The following LINGO2 variants were observed in gnomAD, a reference collection of about 807,000 sequenced individuals.
The protein encoded by LINGO2 is leucine-rich repeat and immunoglobulin-like domain-containing nogo receptor-interacting protein 2.
Under a neutral mutation model 30.6 loss-of-function variants are expected in LINGO2, and 14 were observed. That is an observed-to-expected ratio of 0.46 (90% CI 0.30 to 0.72). The LOEUF (loss-of-function observed/expected upper bound fraction) is 0.72. Among genes scored for constraint, LINGO2 ranks in the 30% least tolerant of loss-of-function variants. The pLI is 0.07. For missense variants in LINGO2, 729 were observed against 751.7 expected (o/e 0.97, Z 0.35); for synonymous variants, 317 against 288.5 (o/e 1.10, Z -1.00).
the LINGO2 span, among the ~76,000 whole-genome samples, chr9:28,838,753 G>A: frequency 2.6e-5 from 4 of 152,130 alleles, no homozygotes; most frequent in African/African-American, 9.7e-5. Flanking sequence ...TTTTGCTTGC[G>A]CCCACTGGCT....
At chr9:28,875,623 C>T in the LINGO2 span, among the ~76,000 whole-genome samples, 20,760 of 151,932 alleles carry the variant, frequency 0.14, 2,039 homozygotes, top group African/African-American at 0.28. Context: ...GTTTTCCCCA[C>T]GTCGAAATTT....
chr9:28,202,591 A>G (rs528364377), intron 4 of LINGO2, among the ~76,000 whole-genome samples: 2 of 152,132 alleles, frequency 1.3e-5, no homozygotes, highest in East Asian at 1.9e-4. Flanking sequence ...TTGCACTAAC[A>G]TTTCCTTTAT....
the LINGO2 span, among the ~76,000 whole-genome samples, chr9:28,842,060 TATGAAACTGAACTAAGACAA>T: frequency 6.6e-6 from 1 of 151,780 alleles, no homozygotes; most frequent in Non-Finnish European, 1.5e-5. Context: ...TATGTGGACA[TATGAAACTGAACTAAGACAA>T]ATGAAACTGA....
chr9:28,189,709 A>G (rs1200421219), intron 4 of LINGO2, among the ~76,000 whole-genome samples: 187 of 114,228 alleles, frequency 1.6e-3, no homozygotes, highest in Middle Eastern at 5.2e-3. Flanking sequence ...GGGAGGAAGG[A>G]AGGAAGGAAG....
the LINGO2 span, among the ~76,000 whole-genome samples, chr9:28,846,858 A>C: frequency 1.4e-5 from 2 of 147,482 alleles, no homozygotes; most frequent in Non-Finnish European, 3.0e-5. Context: ...TTTCCCACTC[A>C]CATTTACATA....
At chr9:28,223,234 A>C (rs1362070851) in intron 4 of LINGO2, among the ~76,000 whole-genome samples, 5 of 152,212 alleles carry the variant, frequency 3.3e-5, no homozygotes, top group African/African-American at 1.2e-4. Flanking sequence ...GAGGCTGAGA[A>C]GTCCAAGATC....
At chr9:28,661,883 G>A (rs1267512942) in intron 1 of LINGO2, among the ~76,000 whole-genome samples, 1 of 152,160 alleles carries the variant, frequency 6.6e-6, no homozygotes, top group Non-Finnish European at 1.5e-5. Flanking sequence ...ATGAGAACAA[G>A]AGAACAGGGG....
At chr9:28,873,125 T>C in the LINGO2 span, among the ~76,000 whole-genome samples, 2 of 152,056 alleles carry the variant, frequency 1.3e-5, no homozygotes, top group Non-Finnish European at 2.9e-5. Context: ...CTGTAATCCT[T>C]TGGGAGGCCG....
chr9:28,006,887 G>A (rs780937114), intron 5 of LINGO2, among the ~76,000 whole-genome samples: 47 of 151,910 alleles, frequency 3.1e-4, no homozygotes, highest in Non-Finnish European at 5.9e-4. Flanking sequence ...CAAGTGTAGA[G>A]AGCAGCTAAT....
the LINGO2 span, among the ~76,000 whole-genome samples, chr9:28,962,028 C>T: frequency 2.6e-5 from 4 of 152,084 alleles, no homozygotes; most frequent in African/African-American, 9.7e-5. Context: ...GGAAAAAATA[C>T]AGTTCATTAA....
At chr9:28,321,831 G>C (rs1825054111) in intron 3 of LINGO2, among the ~76,000 whole-genome samples, 1 of 152,060 alleles carries the variant, frequency 6.6e-6, no homozygotes, top group Non-Finnish European at 1.5e-5. Context: ...CACCAATGAA[G>C]AGATAGTTTC....
At chr9:28,496,476 T>G (rs1819633350) in intron 1 of LINGO2, among the ~76,000 whole-genome samples, 1 of 150,914 alleles carries the variant, frequency 6.6e-6, no homozygotes, top group Non-Finnish European at 1.5e-5. Context: ...GATACTAGGA[T>G]TGCAACCCCT....
At chr9:28,541,084 GAGAA>G (rs1821674916) in intron 1 of LINGO2, among the ~76,000 whole-genome samples, 1 of 152,186 alleles carries the variant, frequency 6.6e-6, no homozygotes, top group Admixed American at 6.6e-5. Flanking sequence ...AATGCAAAGT[GAGAA>G]AGAGTGAATA....
chr9:29,017,026 G>C, the LINGO2 span, among the ~76,000 whole-genome samples: 1 of 152,048 alleles, frequency 6.6e-6, no homozygotes, highest in Non-Finnish European at 1.5e-5. Flanking sequence ...TATTTATCTT[G>C]TGGCATAATT....
chr9:28,875,797 A>T, the LINGO2 span, among the ~76,000 whole-genome samples: 12 of 152,086 alleles, frequency 7.9e-5, no homozygotes, highest in African/African-American at 2.7e-4. Context: ...AACTTTTAAG[A>T]TTCTCTTATT....
At chr9:27,946,815 C>T (rs895614322), downstream of LINGO2, among the ~76,000 whole-genome samples, 1 of 152,090 alleles carries the variant, frequency 6.6e-6, no homozygotes, top group African/African-American at 2.4e-5. Flanking sequence ...ATGGCTTGAA[C>T]AGGCAATTCT....
intron 1 of LINGO2, among the ~76,000 whole-genome samples, chr9:28,625,125 G>C (rs1826601783): frequency 1.3e-5 from 2 of 152,154 alleles, no homozygotes; most frequent in South Asian, 2.1e-4. Context: ...TTAGCTTGTG[G>C]TGGTGAGGCT....
the LINGO2 span, among the ~76,000 whole-genome samples, chr9:29,057,141 G>A: frequency 1.3e-5 from 2 of 151,774 alleles, no homozygotes; most frequent in Admixed American, 1.3e-4. Flanking sequence ...TAATGATGAT[G>A]GCATTTTGAT....
the LINGO2 span, among the ~76,000 whole-genome samples, chr9:29,031,440 G>C: frequency 6.6e-6 from 1 of 151,954 alleles, no homozygotes; most frequent in Admixed American, 6.6e-5. Context: ...TTGCCACCAT[G>C]CCTGGCTAAT....
Sources: allele counts gnomAD v4.1 joint callset (sites outside exome capture counted in the v4.1 genomes callset), GRCh38; gene constraint gnomAD v4.1.1; transcripts MANE v1.5; gene names NCBI Gene and HGNC (gene_info 2026-07-23, HGNC 2026-07-21).